Variants in PRP4K observed in about 807,000 individuals in gnomAD.
PRP4K encodes the protein serine/threonine-protein kinase PRP4 homolog.
the PRP4K span, chr6:4,032,247 C>A: frequency 6.2e-7 from 1 of 1,613,298 alleles, no homozygotes; most frequent in South Asian, 1.1e-5. Context: ...ATCCCCTACC[C>A]TTAGAAGGCG....
the PRP4K span, among the ~76,000 whole-genome samples, chr6:4,023,341 A>T: frequency 6.6e-6 from 1 of 152,240 alleles, no homozygotes; most frequent in Non-Finnish European, 1.5e-5. Context: ...ATGGAGGTAG[A>T]TACGTTTATT....
chr6:4,044,739 G>T, the PRP4K span, among the ~76,000 whole-genome samples: 4 of 151,934 alleles, frequency 2.6e-5, no homozygotes, highest in South Asian at 8.3e-4. Context: ...TGTCTAAGAG[G>T]TTAGATAGTA....
the PRP4K span, among the ~76,000 whole-genome samples, chr6:4,059,793 G>A: frequency 2.0e-5 from 3 of 152,152 alleles, no homozygotes; most frequent in East Asian, 5.8e-4. Flanking sequence ...TTACAATTGT[G>A]TGCCACCACG....
the PRP4K span, among the ~76,000 whole-genome samples, chr6:4,029,635 G>C: frequency 1.3e-5 from 2 of 152,060 alleles, no homozygotes; most frequent in Admixed American, 6.6e-5. Context: ...TTACAGATGT[G>C]AGCCATTGTG....
chr6:4,026,095 G>T, the PRP4K span, among the ~76,000 whole-genome samples: 1 of 152,010 alleles, frequency 6.6e-6, no homozygotes, highest in African/African-American at 2.4e-5. Flanking sequence ...TCCGCCTCCT[G>T]GGTTCAAGCA....
At chr6:4,048,878 T>C in the PRP4K span, 1 of 544,448 alleles carries the variant, frequency 1.8e-6, no homozygotes, top group Non-Finnish European at 3.2e-6. Context: ...TTTACATAAG[T>C]GATAGTAAGA....
the PRP4K span, among the ~76,000 whole-genome samples, chr6:4,051,300 T>C: frequency 1.0e-3 from 158 of 152,208 alleles, no homozygotes; most frequent in African/African-American, 3.7e-3. Context: ...TTGTTTTGTT[T>C]TTTTGTTTGT....
At chr6:4,060,717 A>C in the PRP4K span, 1 of 1,062,150 alleles carries the variant, frequency 9.4e-7, no homozygotes, top group Non-Finnish European at 1.3e-6. The surrounding 1 kb of genome is among the most constrained non-coding windows in gnomAD (Gnocchi z 4.7). Context: ...TTCTCCAGCA[A>C]ATTTGAGGAA....
At chr6:4,032,287 C>A in the PRP4K span, 2 of 1,613,370 alleles carry the variant, frequency 1.2e-6, no homozygotes, top group Non-Finnish European at 1.7e-6. Context: ...AAGGCCAGAT[C>A]TCCTACTGAT....
chr6:4,023,968 G>A, the PRP4K span, among the ~76,000 whole-genome samples: 1 of 151,722 alleles, frequency 6.6e-6, no homozygotes, highest in Non-Finnish European at 1.5e-5. Flanking sequence ...CCTGGTTCAA[G>A]CAGTTCTCCT....
the PRP4K span, among the ~76,000 whole-genome samples, chr6:4,036,794 C>G: frequency 1.3e-5 from 2 of 150,528 alleles, no homozygotes; most frequent in African/African-American, 4.9e-5. Context: ...CGAGACCAGC[C>G]TGGGCAACAT....
At chr6:4,035,386 A>G in the PRP4K span, among the ~76,000 whole-genome samples, 1 of 134,172 alleles carries the variant, frequency 7.5e-6, no homozygotes, top group Middle Eastern at 5.6e-3. Flanking sequence ...ACCTCAGGTT[A>G]TCTGCCTGCC....
the PRP4K span, chr6:4,040,988 G>A: frequency 9.5e-3 from 14,039 of 1,477,246 alleles, 1,148 homozygotes; most frequent in African/African-American, 0.18. Flanking sequence ...TATTTGACTT[G>A]GAAATTGTTA....
At chr6:4,033,740 A>G in the PRP4K span, among the ~76,000 whole-genome samples, 1 of 152,232 alleles carries the variant, frequency 6.6e-6, no homozygotes, top group Non-Finnish European at 1.5e-5. Context: ...TGAAGTCATC[A>G]TATTTTCAGA....
the PRP4K span, chr6:4,043,747 A>T: frequency 6.9e-7 from 1 of 1,454,694 alleles, no homozygotes. Context: ...AGCAACTCTT[A>T]GCCATGAATG....
chr6:4,060,959 T>G, the PRP4K span: 1 of 259,282 alleles, frequency 3.9e-6, no homozygotes, highest in South Asian at 5.1e-5. This position sits in a 1 kb window ranked among gnomAD's most constrained non-coding sequence, Gnocchi z 4.7. Flanking sequence ...TGGCTTCATT[T>G]TGGTCTTGAG....
At chr6:4,032,810 G>C in the PRP4K span, 1 of 1,420,976 alleles carries the variant, frequency 7.0e-7, no homozygotes, top group Non-Finnish European at 9.2e-7. Flanking sequence ...ATTTTAAACG[G>C]AAAACTAGAA....
the PRP4K span, among the ~76,000 whole-genome samples, chr6:4,055,274 T>C: frequency 2.6e-5 from 4 of 152,244 alleles, no homozygotes; most frequent in African/African-American, 7.2e-5. Flanking sequence ...TTGAAACTGC[T>C]TAAGTAGCTG....
At chr6:4,051,606 C>T in the PRP4K span, among the ~76,000 whole-genome samples, 2 of 152,126 alleles carry the variant, frequency 1.3e-5, no homozygotes, top group Admixed American at 6.5e-5. Flanking sequence ...CATGAGCTAC[C>T]GCGCCTGGCC....
Sources: allele counts gnomAD v4.1 joint callset (sites outside exome capture counted in the v4.1 genomes callset), GRCh38; gene constraint gnomAD v4.1.1; non-coding constraint Gnocchi (gnomAD v3.1); transcripts MANE v1.5; gene names NCBI Gene and HGNC (gene_info 2026-07-23, HGNC 2026-07-21).